Variants in NEDD4 observed in about 807,000 individuals in gnomAD.
NEDD4 encodes E3 ubiquitin-protein ligase NEDD4.
NEDD4 carries 99 observed loss-of-function variants against 144.9 expected under a neutral mutation model. The observed-to-expected ratio is 0.68, with a 90% CI of 0.58 to 0.81. The LOEUF (loss-of-function observed/expected upper bound fraction) is 0.81. NEDD4 is among the 30% of genes least tolerant of loss of function. The pLI, the probability that NEDD4 is intolerant of heterozygous loss-of-function variation, is 0.00. For synonymous variants in NEDD4, 318 were observed against 350.6 expected (o/e 0.91, Z 1.04); for missense variants, 985 against 1,065.9 (o/e 0.92, Z 1.06).
intron 5 of NEDD4, among the ~76,000 whole-genome samples, chr15:55,914,411 GC>G (rs1351455082): frequency 6.6e-6 from 1 of 151,686 alleles, no homozygotes; most frequent in Non-Finnish European, 1.5e-5. Flanking sequence ...CTTTGGAACG[GC>G]CAAATTACAT....
chr15:55,974,779 A>G (rs1211017404), intron 1 of NEDD4, among the ~76,000 whole-genome samples: 2 of 151,814 alleles, frequency 1.3e-5, no homozygotes, highest in Non-Finnish European at 2.9e-5. Context: ...GCTCAACACA[A>G]TAAAAGCCAT....
At position 55,943,817 on chromosome 15, in the gene NEDD4, A is replaced by T. The variant is rs62045169; in HGVS notation, c.237+7559T>A. On this transcript the variant is annotated intron_variant, in intron 4 of 28. Transcript: ENST00000435532. Reference sequence around the variant, plus strand: ...GTCCAGACCCCAGAATGGGAGATTGACTAACCGCTTGCACTGTTTGCCTGC... The same window carrying T: ...GTCCAGACCCCAGAATGGGAGATTGTCTAACCGCTTGCACTGTTTGCCTGC... Among the ~76,000 whole-genome samples, 964 of 152,276 alleles carry T rather than the reference A, an allele frequency of 6.3e-3. 12 individuals are homozygous for T. Among genetic ancestry groups the T allele is most frequent in the South Asian group, 0.036 (175 of 4,828 alleles).
intron 4 of NEDD4, among the ~76,000 whole-genome samples, chr15:55,937,562 A>G (rs1509406): frequency 0.3 from 46,079 of 152,058 alleles, 7,133 homozygotes; most frequent in South Asian, 0.38. Context: ...TGGTAAATGT[A>G]ACTAGCTAAA....
chr15:55,830,179 T>G (rs1358561702), intron 28 of NEDD4, among the ~76,000 whole-genome samples, 180 bp from the exon 29 acceptor site: 1 of 152,162 alleles, frequency 6.6e-6, no homozygotes, highest in African/African-American at 2.4e-5. Flanking sequence ...TCTGCACAAC[T>G]CCTTGTGGAG....
chr15:55,880,262 AGTCTGGGTGACGGAGTGAGACCCC>A lies in NEDD4; in HGVS notation c.292-6278_292-6255del, dbSNP rs1170004823. ...AGCCGAGATCGCACCATTGCACGCTAGTCTGGGTGACGGAGTGAGACCCCGTCTCCAAAAAAAAAGAATAAAAAG... is the reference window on the plus strand; with the variant it reads ...AGCCGAGATCGCACCATTGCACGCTAGTCTCCAAAAAAAAAGAATAAAAAG... On this transcript the variant is annotated intron_variant, in intron 5 of 28. Transcript: ENST00000435532. Among the ~76,000 whole-genome samples, 141 of 152,258 alleles carry A rather than the reference AGTCTGGGTGACGGAGTGAGACCCC, an allele frequency of 9.3e-4. 1 individual carries two copies. The highest frequency in any genetic ancestry group is 3.2e-3 in the African/African-American group (134 of 41,542).
intron 4 of NEDD4, among the ~76,000 whole-genome samples, chr15:55,937,059 C>T (rs1320288483): frequency 6.6e-6 from 1 of 152,158 alleles, no homozygotes; most frequent in African/African-American, 2.4e-5. Flanking sequence ...TCCCAAAGCA[C>T]TGGGAAAACA....
At chr15:55,888,272 A>C (rs980638227) in intron 5 of NEDD4, among the ~76,000 whole-genome samples, 1 of 152,190 alleles carries the variant, frequency 6.6e-6, no homozygotes, top group Non-Finnish European at 1.5e-5. Context: ...GAACTGATAC[A>C]TTCAGTAAAG....
In NEDD4 at chr15:55,862,913, T is replaced by C. The variant is rs2034458055; in HGVS notation, c.674A>G (p.Gln225Arg). 1.3e-6 allele frequency: 2 copies of C among 1,597,196 alleles called. No individual in the cohort carries two copies. The highest frequency in any genetic ancestry group is 2.2e-5 in the East Asian group (1 of 44,496). ...RRTQWKRPTP[Q>R]DNLTDAENGN... ...AATTGTGAAAGCCATCAGCACATAC[T>C]GAGGGGTTGGTCTTTTCCACTGTGT... Residue 225 changes from glutamine (Q) to arginine (R), a missense_variant and splice_region_variant, in exon 9 of 29, where the codon CAG becomes CGG. Gln to Arg is a conservative substitution (Grantham distance 43, BLOSUM62 1). Coordinates refer to ENST00000435532, the MANE Select transcript of NEDD4 (RefSeq NM_006154.4).
intron 4 of NEDD4, among the ~76,000 whole-genome samples, chr15:55,947,307 A>G (rs2037134736): frequency 6.6e-6 from 1 of 150,918 alleles, no homozygotes; most frequent in African/African-American, 2.4e-5. Flanking sequence ...TAGACGCAAT[A>G]AAAAATGATA....
At position 55,987,042 on chromosome 15, in the gene NEDD4, G is replaced by A. The variant is rs554296719; in HGVS notation, c.45+6469C>T. On this transcript the variant is annotated intron_variant, in intron 1 of 28. Transcript: ENST00000435532. ...TCTAGTTCTAGATCCCTGAGGAATC[G>A]CCACACTGACTTCCACAATGGTTGA... Among the ~76,000 whole-genome samples, 9 of 143,990 alleles carry A rather than the reference G, an allele frequency of 6.3e-5. No homozygotes were observed. The South Asian group carries it at 1.2e-3, about 19-fold the overall frequency. 94.5% of individuals were successfully genotyped at this position (143,990 alleles called of 152,430 possible).
At chr15:55,845,351 G>A (rs1372179750) in intron 18 of NEDD4, among the ~76,000 whole-genome samples, 1 of 152,028 alleles carries the variant, frequency 6.6e-6, no homozygotes, top group Non-Finnish European at 1.5e-5. Flanking sequence ...ATAACCATGG[G>A]ACTTGATCAC....
chr15:55,887,396 A>C (rs1361801145), intron 5 of NEDD4, among the ~76,000 whole-genome samples: 1 of 152,164 alleles, frequency 6.6e-6, no homozygotes, highest in Non-Finnish European at 1.5e-5. Flanking sequence ...CTAGAAGTGG[A>C]TAAATTCCTA....
chr15:55,847,597 T>C (rs1184990093), intron 17 of NEDD4, among the ~76,000 whole-genome samples: 2 of 152,054 alleles, frequency 1.3e-5, no homozygotes, highest in Non-Finnish European at 2.9e-5. Context: ...AGTACAATTA[T>C]CATACGTGGT....
intron 2 of NEDD4, among the ~76,000 whole-genome samples, chr15:55,954,001 T>C (rs1334620938): frequency 1.3e-5 from 2 of 152,224 alleles, no homozygotes; most frequent in Admixed American, 6.5e-5. Context: ...TTAACGACTA[T>C]AGCATACCAC....
intron 2 of NEDD4, among the ~76,000 whole-genome samples, chr15:55,960,979 T>A (rs67242621): frequency 0.13 from 20,438 of 152,262 alleles, 1,499 homozygotes; most frequent in East Asian, 0.32. Context: ...CTGTTATTTC[T>A]TGTGTTTTGT....
At position 55,966,490 on chromosome 15, in the gene NEDD4, C is replaced by T. The variant is rs1385348877; in HGVS notation, c.102G>A (p.Lys34=). The stretch of plus-strand genomic sequence containing the variant: ...ATACTTACCTAGCTCCCAATATATC[C>T]TTCTTGGCAAGGCCTATTCCGGCTA... The part of the protein sequence containing the change: ...RVIAGIGLAK[K]DILGASDPYV... Residue 34 remains lysine (K), a synonymous_variant, in exon 2 of 29, where the codon AAG becomes AAA. Coordinates refer to ENST00000435532, the MANE Select transcript of NEDD4 (RefSeq NM_006154.4). The T allele has an allele frequency of 2.0e-6, 3 of 1,532,870 alleles. No homozygotes were observed. In the African/African-American group the frequency reaches 4.2e-5, roughly 21 times the overall value. The allele number at this position is 1,532,870 out of a possible 1,614,324, so 95.0% of individuals were successfully genotyped here.
intron 5 of NEDD4, among the ~76,000 whole-genome samples, chr15:55,923,923 C>T (rs2036616843): frequency 6.6e-6 from 1 of 151,802 alleles, no homozygotes; most frequent in Non-Finnish European, 1.5e-5. Flanking sequence ...AAGCTTTGCA[C>T]ACATAACACT....
intron 21 of NEDD4, 96 bp from the exon 22 acceptor site, chr15:55,838,700 G>C: frequency 1.3e-6 from 1 of 750,538 alleles, no homozygotes; most frequent in Non-Finnish European, 2.2e-6. Context: ...TTGGGTAAAA[G>C]ATGAGAGGTC....
chr15:55,835,439 T>TTTTTTTTTTTTTTTTTTTC (rs1555392050), intron 24 of NEDD4, among the ~76,000 whole-genome samples: 1 of 142,858 alleles, frequency 7.0e-6, no homozygotes, highest in African/African-American at 2.6e-5. Flanking sequence ...TTTTTTTTTT[T>TTTTTTTTTTTTTTTTTTTC]CCCATGCCCT....
Sources: allele counts gnomAD v4.1 joint callset (sites outside exome capture counted in the v4.1 genomes callset), GRCh38; gene constraint gnomAD v4.1.1; transcripts MANE v1.5; gene names NCBI Gene and HGNC (gene_info 2026-07-23, HGNC 2026-07-21).